Variants in NSMCE4A observed in about 807,000 individuals in gnomAD.
NSMCE4A encodes the protein NSE4A component of SMC5/6 complex, also known as non-structural maintenance of chromosomes element 4 homolog A.
NSMCE4A carries 40 observed loss-of-function variants against 47.9 expected under a neutral mutation model. That is an observed-to-expected ratio of 0.83 (90% CI 0.65 to 1.09). The LOEUF (loss-of-function observed/expected upper bound fraction) is 1.09, where lower values mean the gene tolerates loss of function less well. Ranked by LOEUF, NSMCE4A falls within the 50% of genes least tolerant of loss-of-function variation. NSMCE4A has a pLI of 0.00. For synonymous variants in NSMCE4A, 166 were observed against 178.5 expected, an observed-to-expected ratio of 0.93 and a Z score of 0.56; for missense variants, 500 against 507.0, an observed-to-expected ratio of 0.99 and a Z score of 0.13.
rs778851907 is a variant in NSMCE4A at position 121,961,502 on chromosome 10, G to A, written c.860C>T (p.Ser287Phe). The A allele has an allele frequency of 1.9e-6, 3 of 1,561,070 alleles. No individual in the cohort carries two copies. The highest frequency in any genetic ancestry group is 1.2e-5 in the South Asian group (1 of 82,072). The change falls in exon 7 of 11, where the codon TCC becomes TTC. Residue 287 changes from serine to phenylalanine, a missense_variant. Transcript: ENST00000369023. ...YFREDPDTPM[S>F]FFDFVVDPHS... ...AGGATCAACCACAAAGTCAAAGAAG[G>A]ACATTGGGGTATCAGCTATAGACAA...
At chr10:121,974,586 TC>T in intron 1 of NSMCE4A, 1 of 1,039,088 alleles carries the variant, frequency 9.6e-7, no homozygotes, top group Non-Finnish European at 1.2e-6. Flanking sequence ...GTCCTGCCTC[TC>T]CCCACTGGCT....
At chr10:121,972,160 A>G (rs1450973153) in intron 2 of NSMCE4A, among the ~76,000 whole-genome samples, 1 of 152,112 alleles carries the variant, frequency 6.6e-6, no homozygotes, top group African/African-American at 2.4e-5. Flanking sequence ...CATCTCTACT[A>G]AAGAATCAAA....
intron 5 of NSMCE4A, 87 bp downstream of exon 5, chr10:121,965,198 AG>A: frequency 2.2e-6 from 2 of 892,116 alleles, no homozygotes; most frequent in East Asian, 2.5e-5. Context: ...CCGCACACTT[AG>A]AAAAAATGGC....
At position 121,971,830 on chromosome 10, in the gene NSMCE4A, C is replaced by T. The variant is rs577816649; in HGVS notation, c.371-761G>A. 6.6e-5 allele frequency among the ~76,000 whole-genome samples: 10 copies of T among 152,294 alleles called. No homozygotes were observed. The South Asian group carries it at 2.1e-3, about 32-fold the overall frequency. On this transcript the variant is annotated intron_variant, in intron 2 of 10. Coordinates refer to ENST00000369023, the MANE Select transcript of NSMCE4A (RefSeq NM_017615.3). The stretch of plus-strand genomic sequence containing the variant: ...AGCAATAGGTAAGTTGCTAAAGTTG[C>T]TAACCAAAATCATGGCATGTGCTAG...
chr10:121,961,736 A>T, intron 6 of NSMCE4A: 1 of 439,326 alleles, frequency 2.3e-6, no homozygotes, highest in African/African-American at 2.1e-5. Context: ...CAGAAATACA[A>T]GTGTAACTGC....
intron 2 of NSMCE4A, 126 bp from the exon 3 acceptor site, chr10:121,971,195 G>A: frequency 1.2e-6 from 1 of 820,128 alleles, no homozygotes. Context: ...ATCTCAATAG[G>A]CAACTGACAC....
At chr10:121,963,379 GTTTTCTTCTCTCTTGCACACCCAAACTCC>G (rs1564992737) in intron 5 of NSMCE4A, 51 bp from the exon 6 acceptor site, 5 of 1,061,556 alleles carry the variant, frequency 4.7e-6, no homozygotes, top group South Asian at 3.9e-5. Flanking sequence ...GCCTATTAAC[GTTTTCTTCTCTCTTGCACACCCAAACTCC>G]TTTTCTTCTC....
chr10:121,965,692 T>G (rs1952594007), intron 4 of NSMCE4A: 2 of 261,850 alleles, frequency 7.6e-6, no homozygotes, highest in Non-Finnish European at 1.4e-5. Flanking sequence ...ACCTATTGTT[T>G]TGCAAAGCCA....
At chr10:121,970,246 GCAGATCAC>G (rs1301421474) in intron 3 of NSMCE4A, among the ~76,000 whole-genome samples, 1 of 151,754 alleles carries the variant, frequency 6.6e-6, no homozygotes. Flanking sequence ...GCCAAGGCGG[GCAGATCAC>G]GAGATCAGGA....
At chr10:121,971,219 AC>A in intron 2 of NSMCE4A, 150 bp from the exon 3 acceptor site, 1 of 743,826 alleles carries the variant, frequency 1.3e-6, no homozygotes, top group South Asian at 2.1e-5. Flanking sequence ...TCCTTCTAAA[AC>A]GTGCTCCTGG....
chr10:121,964,642 G>A (rs746718404), intron 5 of NSMCE4A, among the ~76,000 whole-genome samples: 13 of 147,576 alleles, frequency 8.8e-5, no homozygotes, highest in East Asian at 8.2e-4. Flanking sequence ...GGGTTTCCCC[G>A]TATTGGCCGG....
At chr10:121,959,683 G>C in intron 8 of NSMCE4A, 88 bp from the exon 9 acceptor site, 1 of 845,358 alleles carries the variant, frequency 1.2e-6, no homozygotes, top group Non-Finnish European at 2.0e-6. Context: ...TAATAGCAAT[G>C]AAACCTGTAT....
At chr10:121,961,037 A>G (rs1952487382) in intron 7 of NSMCE4A, among the ~76,000 whole-genome samples, 1 of 114,794 alleles carries the variant, frequency 8.7e-6, no homozygotes, top group African/African-American at 2.7e-5. Flanking sequence ...ATTATTATTT[A>G]TGAATGAAGT....
In NSMCE4A at chr10:121,957,942, A is replaced by G. The variant is rs1463996829; in HGVS notation, c.*13-683T>C. On this transcript the variant is annotated intron_variant, in intron 10 of 10. Transcript: ENST00000369023. ...ATATTTATAGATTAAAAAAAAATAA[A>G]GTTGAAGCCAGGCGTGGTGGCTCAT... Among the ~76,000 whole-genome samples the G allele has an allele frequency of 2.0e-5, 3 of 152,044 alleles. No homozygotes were observed. In the East Asian group the frequency reaches 5.8e-4, roughly 30 times the overall value.
intron 2 of NSMCE4A, among the ~76,000 whole-genome samples, chr10:121,971,623 G>A (rs561972741): frequency 1.3e-5 from 2 of 152,322 alleles, no homozygotes; most frequent in East Asian, 3.8e-4. Context: ...CCTACTGTTA[G>A]CTGAATCACA....
intron 5 of NSMCE4A, among the ~76,000 whole-genome samples, chr10:121,964,803 G>A (rs1479694090): frequency 1.3e-5 from 2 of 152,144 alleles, no homozygotes; most frequent in Admixed American, 1.3e-4. Context: ...ACCATTTTCA[G>A]GTTGAACATA....
chr10:121,974,770 G>C, intron 1 of NSMCE4A, 104 bp downstream of exon 1: 1 of 1,180,318 alleles, frequency 8.5e-7, no homozygotes, highest in Non-Finnish European at 1.0e-6. Flanking sequence ...ACGCCGCGCC[G>C]GGCCTCCGCC....
intron 1 of NSMCE4A, 109 bp from the exon 2 acceptor site, chr10:121,974,190 G>A: frequency 3.7e-6 from 5 of 1,349,134 alleles, no homozygotes; most frequent in Non-Finnish European, 5.1e-6. Context: ...CCTGCGCTCT[G>A]AGTAATTACT....
At chr10:121,965,255 G>GT (rs766868538) in intron 5 of NSMCE4A, 31 bp downstream of exon 5, 15 of 1,497,156 alleles carry the variant, frequency 1.0e-5, no homozygotes, top group African/African-American at 1.4e-5. Context: ...ACTTTAATGT[G>GT]TTTTTTTAAA....
Sources: gnomAD v4.1 joint callset for allele counts (sites outside exome capture counted in the v4.1 genomes callset) on GRCh38, gnomAD v4.1.1 for gene constraint, MANE v1.5 for transcripts, NCBI Gene and HGNC (gene_info 2026-07-23, HGNC 2026-07-21) for gene names.